DPF2: variants seen among roughly 807,000 people sequenced by gnomAD.
DPF2 encodes the protein zinc finger protein ubi-d4.
DPF2 carries 10 observed loss-of-function variants against 59.6 expected under a neutral mutation model. That is an observed-to-expected ratio of 0.17 (90% CI 0.10 to 0.28). The LOEUF (loss-of-function observed/expected upper bound fraction) is 0.28, where lower values mean the gene tolerates loss of function less well. Among genes scored for constraint, DPF2 ranks in the 10% least tolerant of loss-of-function variants. DPF2 has a pLI of 1.00. For synonymous variants in DPF2, 189 were observed against 190.6 expected, an observed-to-expected ratio of 0.99 and a Z score of 0.07; for missense variants, 315 against 509.4, an observed-to-expected ratio of 0.62 and a Z score of 3.67.
intron 4 of DPF2, 119 bp downstream of exon 4, chr11:65,341,681 A>T: frequency 7.2e-7 from 1 of 1,390,662 alleles, no homozygotes; most frequent in Non-Finnish European, 9.7e-7. Flanking sequence ...AGGCCCCTGC[A>T]GTTCTGTTCT....
chr11:65,351,752 C>A lies in DPF2; in HGVS notation c.1169C>A (p.Ser390Tyr), dbSNP rs765632713. The change falls in exon 11 of 11, where the codon TCC becomes TAC. Residue 390 changes from serine to tyrosine, a missense_variant. Ser to Tyr is a moderately radical substitution (Grantham distance 144). Around this residue, in one of 4 missense-constraint regions of DPF2, gnomAD observed 27 missense variants for 125.8 expected, o/e 0.21. Coordinates refer to ENST00000528416, the MANE Select transcript of DPF2 (RefSeq NM_006268.5). The part of the protein sequence containing the change: ...EKASIYQNQN[S>Y]S The stretch of plus-strand genomic sequence containing the variant: ...GCTTCCATCTACCAGAACCAGAACT[C>A]CTCTTGATGTGGCCACCCACCTGCT... The A allele has an allele frequency of 2.2e-5, 36 of 1,612,988 alleles. No individual in the cohort carries two copies. Among genetic ancestry groups the A allele is most frequent in the Middle Eastern group, 1.9e-4 (1 of 5,152 alleles).
intron 2 of DPF2, 84 bp from the exon 3 acceptor site, chr11:65,340,882 G>T (rs536494688): frequency 6.6e-6 from 9 of 1,354,326 alleles, no homozygotes; most frequent in Middle Eastern, 2.1e-4. Context: ...GAACTCAAAG[G>T]GGGGCCTACT....
rs2137717549 is a variant in DPF2 at position 65,352,048 on chromosome 11, C to G, written c.*289C>G. ...TTCACTCTGCTTGCCTTGGGCCCAG[C>G]CCCTGGTGATCACAGGGTTCAAACA... On this transcript the variant is annotated 3_prime_UTR_variant, in exon 11 of 11. Coordinates refer to ENST00000528416, the MANE Select transcript of DPF2 (RefSeq NM_006268.5). 1 of 437,494 alleles carries G rather than the reference C, an allele frequency of 2.3e-6. No homozygotes were observed. The highest frequency in any genetic ancestry group is 4.2e-6 in the Non-Finnish European group (1 of 238,566). The allele number at this position is 437,494 out of a possible 1,614,324, so 27.1% of individuals were successfully genotyped here. A position where few individuals can be genotyped will look rare whatever the true frequency, so the allele number is the denominator to read the frequency against.
In DPF2 at chr11:65,333,933, C is replaced by G. The variant is rs201627562; in HGVS notation, c.32+15C>G. 1.9e-6 allele frequency: 3 copies of G among 1,611,918 alleles called. No individual in the cohort carries two copies. Among genetic ancestry groups the G allele is most frequent in the African/African-American group, 1.3e-5 (1 of 74,860 alleles). ...GTAGTGAAGCTGTGAGTGGTCGTTT[C>G]TTTCTCTCCTAGGGCGGCAGGTTTT... On this transcript the variant is annotated intron_variant, in intron 1 of 10. Coordinates refer to ENST00000528416, the MANE Select transcript of DPF2 (RefSeq NM_006268.5).
chr11:65,341,139 G>A, intron 3 of DPF2, 66 bp downstream of exon 3: 1 of 1,524,460 alleles, frequency 6.6e-7, no homozygotes, highest in Non-Finnish European at 9.1e-7. Flanking sequence ...TAATCACTGT[G>A]ATATACCAGG....
At chr11:65,339,280 C>A (rs1272090668) in intron 1 of DPF2, among the ~76,000 whole-genome samples, 1 of 151,648 alleles carries the variant, frequency 6.6e-6, no homozygotes, top group East Asian at 1.9e-4. Flanking sequence ...AATATAAGAT[C>A]GAGTTTGTTA....
At chr11:65,344,824 T>C (rs1854480268) in intron 6 of DPF2, 4 of 622,252 alleles carry the variant, frequency 6.4e-6, no homozygotes, top group East Asian at 2.8e-5. Flanking sequence ...CCCACAAACC[T>C]GCTCCTAGAG....
Position 65,341,389 on chromosome 11 carries a change from T to A in DPF2, c.302-10T>A. ...TTTTGAGCCTTGCTTTATCCTGACC[T>A]TGCTTGCAGACACAGACCAGACCCT... On this transcript the variant is annotated splice_polypyrimidine_tract_variant and intron_variant, in intron 3 of 10. Transcript: ENST00000528416. 6.2e-7 allele frequency: 1 copy of A among 1,614,140 alleles called. No homozygotes were observed. Among genetic ancestry groups the A allele is most frequent in the Non-Finnish European group, 8.5e-7 (1 of 1,180,008 alleles).
At position 65,352,298 on chromosome 11, in the gene DPF2, T is replaced by A. The variant is rs1854724989; in HGVS notation, c.*539T>A. On this transcript the variant is annotated 3_prime_UTR_variant, in exon 11 of 11. Coordinates refer to ENST00000528416, the MANE Select transcript of DPF2 (RefSeq NM_006268.5). ...GGCCCTGTGTTCCTGCTACAGAGTG[T>A]TCTTTTCTGGAGTCAGGATGTTCTC... is the stretch of plus-strand genomic sequence containing the variant. 1 of 157,418 alleles carries A rather than the reference T, an allele frequency of 6.4e-6. No homozygotes were observed. Among genetic ancestry groups the A allele is most frequent in the South Asian group, 1.9e-4 (1 of 5,404 alleles). The allele number at this position is 157,418 out of a possible 1,614,324, so 9.8% of individuals were successfully genotyped here. A position where few individuals can be genotyped will look rare whatever the true frequency, so the allele number is the denominator to read the frequency against.
rs1212596573 is a variant in DPF2, at chr11:65,337,514, G to T, written c.33-2871G>T. Among the ~76,000 whole-genome samples, 595 of 118,918 alleles carry T rather than the reference G, an allele frequency of 5.0e-3. 3 individuals carry two copies. The highest frequency in any genetic ancestry group is 6.6e-3 in the Non-Finnish European group (387 of 58,992). 78.0% of individuals were successfully genotyped at this position (118,918 alleles called of 152,430 possible). On this transcript the variant is annotated intron_variant, in intron 1 of 10. Coordinates refer to ENST00000528416, the MANE Select transcript of DPF2 (RefSeq NM_006268.5). ...ATATATATATATATATAGAGAGAGA[G>T]AGAGAGAGAGAGAGAGAGAGAGAGA...
intron 4 of DPF2, 187 bp from the exon 5 acceptor site, chr11:65,343,556 GAT>G: frequency 1.7e-6 from 1 of 596,938 alleles, no homozygotes; most frequent in Admixed American, 2.9e-5. Flanking sequence ...ACAGGGGAAA[GAT>G]ATCCCAAAGT....
chr11:65,353,553 C>T lies in DPF2; in HGVS notation c.*1794C>T, dbSNP rs1040774237. On this transcript the variant is annotated 3_prime_UTR_variant, in exon 11 of 11. Transcript: ENST00000528416. Reference sequence around the variant, plus strand: ...CAGCCCTGCAGCCTTTCCCAGGGCACGTTGATGTGCACACAGTTTCCCTGA... The same window carrying T: ...CAGCCCTGCAGCCTTTCCCAGGGCATGTTGATGTGCACACAGTTTCCCTGA... 2.6e-5 allele frequency among the ~76,000 whole-genome samples: 4 copies of T among 152,174 alleles called. No homozygotes were observed. The highest frequency in any genetic ancestry group is 1.9e-4 in the East Asian group (1 of 5,202).
intron 6 of DPF2, 149 bp downstream of exon 6, chr11:65,344,218 C>A (rs1245751707): frequency 1.3e-6 from 1 of 748,092 alleles, no homozygotes; most frequent in Admixed American, 2.3e-5. Context: ...GTCTGAGACC[C>A]CTGGGAGGCC....
Position 65,340,815 on chromosome 11 carries a change from CA to C in DPF2, c.194-150del, listed in dbSNP as rs980417015. ...CTTATATATCTATTTTTCTTTTCCA[CA>C]GACTATTCCACCTAACCCCCTAGGC... On this transcript the variant is annotated intron_variant, in intron 2 of 10. Transcript: ENST00000528416. 3.0e-4 allele frequency: 256 copies of C among 856,968 alleles called. 4 individuals carry two copies. The highest frequency in any genetic ancestry group is 5.8e-5 in the Non-Finnish European group (33 of 568,506). The allele number at this position is 856,968 out of a possible 1,614,324, so 53.1% of individuals were successfully genotyped here. A position where few individuals can be genotyped will look rare whatever the true frequency, so the allele number is the denominator to read the frequency against.
At chr11:65,348,253 C>G (rs187427129) in intron 9 of DPF2, 3 of 152,738 alleles carry the variant, frequency 2.0e-5, no homozygotes, top group Admixed American at 1.3e-4. Flanking sequence ...CCACCGCACT[C>G]TAGCCTGGGC....
At chr11:65,341,196 T>C in intron 3 of DPF2, 123 bp downstream of exon 3, 1 of 1,291,248 alleles carries the variant, frequency 7.7e-7, no homozygotes, top group Non-Finnish European at 1.1e-6. Flanking sequence ...GATGTGATTC[T>C]TTCCTTTAAG....
In DPF2 at chr11:65,354,136, CG is replaced by C. The variant is rs1037343084; in HGVS notation, c.*2380del. Among the ~76,000 whole-genome samples the C allele has an allele frequency of 6.6e-6, 1 of 152,116 alleles. No individual in the cohort carries two copies. The highest frequency in any genetic ancestry group is 1.5e-5 in the Non-Finnish European group (1 of 68,014). On this transcript the variant is annotated 3_prime_UTR_variant, in exon 11 of 11. Coordinates refer to ENST00000528416, the MANE Select transcript of DPF2 (RefSeq NM_006268.5). ...GCGAGGCTGGAGAGCAGCTGGGCTG[CG>C]GGTCAAGACGTCTGCGTTTAATTCG...
intron 9 of DPF2, chr11:65,346,634 A>G: frequency 2.7e-6 from 1 of 369,436 alleles, no homozygotes; most frequent in Non-Finnish European, 4.9e-6. Flanking sequence ...GAACAACAAT[A>G]AGCAAGGATG....
intron 1 of DPF2, among the ~76,000 whole-genome samples, chr11:65,337,498 TATATATAGAGAGAGAGAGAGAG>T (rs1420765921): frequency 1.2e-3 from 58 of 48,020 alleles, no homozygotes; most frequent in Non-Finnish European, 1.6e-3. Context: ...TATATATATA[TATATATAGAGAGAGAGAGAGAG>T]AGAGAGAGAG....
Sources: gnomAD v4.1 joint callset for allele counts (sites outside exome capture counted in the v4.1 genomes callset) on GRCh38, gnomAD v4.1.1 for gene constraint, gnomAD v4.1.1 regional missense constraint, MANE v1.5 for transcripts, NCBI Gene and HGNC (gene_info 2026-07-23, HGNC 2026-07-21) for gene names.